The following KIF16B variants were observed in gnomAD, a reference collection of about 807,000 sequenced individuals.
KIF16B encodes the protein kinesin family member 16B, also known as kinesin-like protein KIF16B.
Under a neutral mutation model 156.3 loss-of-function variants are expected in KIF16B, and 98 were observed. The ratio of observed to expected loss-of-function variants is 0.63; its 90% CI spans 0.53 to 0.74. The LOEUF (loss-of-function observed/expected upper bound fraction) is 0.74. Ranked by LOEUF, KIF16B falls within the 30% of genes least tolerant of loss-of-function variation. KIF16B has a pLI of 0.00. For missense variants in KIF16B, 1,421 were observed against 1,606.5 expected, an observed-to-expected ratio of 0.88 and a Z score of 1.97; for synonymous variants, 564 against 583.7, an observed-to-expected ratio of 0.97 and a Z score of 0.49.
chr20:16,293,318 G>T (rs1037643689), intron 25 of KIF16B, among the ~76,000 whole-genome samples: 1 of 152,174 alleles, frequency 6.6e-6, no homozygotes, highest in Non-Finnish European at 1.5e-5. Context: ...GGAGGAGGAA[G>T]GGATAGGTCA....
rs147236718 is a variant in KIF16B at position 16,545,620 on chromosome 20, G to A, written c.48-17180C>T. On this transcript the variant is annotated intron_variant, in intron 1 of 25. Coordinates refer to ENST00000354981, the MANE Select transcript of KIF16B (RefSeq NM_024704.5). The stretch of plus-strand genomic sequence containing the variant: ...GCAGAGGTTGTAGTGAGCCGAGATC[G>A]CACCACTGCACTCCAGCCTGGGTGA... Among the ~76,000 whole-genome samples, 629 of 152,206 alleles carry A rather than the reference G, an allele frequency of 4.1e-3. 8 individuals are homozygous for A. The highest frequency in any genetic ancestry group is 0.014 in the African/African-American group (594 of 41,522).
intron 1 of KIF16B, among the ~76,000 whole-genome samples, chr20:16,565,834 T>C (rs185789295): frequency 2.7e-4 from 41 of 152,242 alleles, no homozygotes; most frequent in Non-Finnish European, 4.1e-4. Context: ...GGAAAGGTCA[T>C]TCTTCCACTT....
chr20:16,417,662 T>C (rs1434735953), intron 15 of KIF16B, among the ~76,000 whole-genome samples: 1 of 151,606 alleles, frequency 6.6e-6, no homozygotes, highest in Admixed American at 6.6e-5. Context: ...AGTGGAAAAA[T>C]AAAAATTTCA....
At chr20:16,327,699 G>T (rs59944081) in intron 24 of KIF16B, among the ~76,000 whole-genome samples, 6,099 of 152,156 alleles carry the variant, frequency 0.04, 391 homozygotes, top group African/African-American at 0.14. Flanking sequence ...TTAAATGCTA[G>T]TTATCTACCA....
chr20:16,517,903 T>C (rs1394762679), intron 3 of KIF16B, among the ~76,000 whole-genome samples: 2 of 152,226 alleles, frequency 1.3e-5, no homozygotes, highest in Non-Finnish European at 2.9e-5. Context: ...GGCCTGGGGC[T>C]AAACCAAAGT....
rs2062994331 is a variant in KIF16B, at chr20:16,272,131, A to C, written c.*1122T>G. 1 of 152,672 alleles carries C rather than the reference A, an allele frequency of 6.5e-6. No individual in the cohort carries two copies. Among genetic ancestry groups the C allele is most frequent in the Non-Finnish European group, 1.5e-5 (1 of 68,040 alleles). 9.5% of individuals were successfully genotyped at this position (152,672 alleles called of 1,614,324 possible). A position where few individuals can be genotyped will look rare whatever the true frequency, so the allele number is the denominator to read the frequency against. ...GATGCCATAACTTCATTTAATATTG[A>C]TAGCAGCTCAATTTAAATTTTGAAA... On this transcript the variant is annotated 3_prime_UTR_variant, in exon 26 of 26. Coordinates refer to ENST00000354981, the MANE Select transcript of KIF16B (RefSeq NM_024704.5).
rs538107543 is a variant in KIF16B, at chr20:16,380,939, T to C, written c.1838+755A>G. On this transcript the variant is annotated intron_variant, in intron 18 of 25. Coordinates refer to ENST00000354981, the MANE Select transcript of KIF16B (RefSeq NM_024704.5). ...TCCACCTCCTGACCCACCAAACGTC[T>C]ATCTTGGATGATGCTGGAAACTAAG... Among the ~76,000 whole-genome samples the C allele has an allele frequency of 3.3e-5, 5 of 152,326 alleles. No individual in the cohort carries two copies. The South Asian group carries it at 1.0e-3, about 32-fold the overall frequency.
At chr20:16,499,895 C>CTT (rs2068567890) in intron 10 of KIF16B, among the ~76,000 whole-genome samples, 1 of 152,154 alleles carries the variant, frequency 6.6e-6, no homozygotes, top group African/African-American at 2.4e-5. Context: ...CAAGGTGTAT[C>CTT]TTTAGAAGAA....
chr20:16,555,779 A>G (rs6075070), intron 1 of KIF16B, among the ~76,000 whole-genome samples: 51,732 of 152,046 alleles, frequency 0.34, 8,850 homozygotes, highest in African/African-American at 0.36. Flanking sequence ...CAACCACAAA[A>G]TTTTCTCATT....
rs11467171 is a variant in KIF16B, at chr20:16,445,419, C to CGTGTGTGTGTGTGTGTGT, written c.1303-15455_1303-15438dup. Among the ~76,000 whole-genome samples, 1,050 of 146,848 alleles carry CGTGTGTGTGTGTGTGTGT rather than the reference C, an allele frequency of 7.2e-3. 14 individuals carry two copies. The highest frequency in any genetic ancestry group is 0.026 in the African/African-American group (1,016 of 39,508). ...TCATTTGTATTCAGACATGTATATACGTGTGTGTGTGTGTGTGTGTGTGTG... is the reference window on the plus strand; with the variant it reads ...TCATTTGTATTCAGACATGTATATACGTGTGTGTGTGTGTGTGTGTGTGTGTGTGTGTGTGTGTGTGTG... On this transcript the variant is annotated intron_variant, in intron 12 of 25. Coordinates refer to ENST00000354981, the MANE Select transcript of KIF16B (RefSeq NM_024704.5).
chr20:16,474,520 C>T (rs6043988), intron 12 of KIF16B, among the ~76,000 whole-genome samples: 57,638 of 152,062 alleles, frequency 0.38, 12,534 homozygotes, highest in African/African-American at 0.6. Context: ...GAAGAAACAA[C>T]TTCCTAGCCT....
intron 10 of KIF16B, among the ~76,000 whole-genome samples, chr20:16,499,618 C>T (rs185207078): frequency 1.3e-5 from 2 of 152,292 alleles, no homozygotes; most frequent in East Asian, 3.9e-4. Context: ...ATGTGGTTGA[C>T]AATTTTCAAA....
At chr20:16,359,418 A>C (rs1163399775) in intron 22 of KIF16B, among the ~76,000 whole-genome samples, 2 of 152,162 alleles carry the variant, frequency 1.3e-5, no homozygotes, top group African/African-American at 4.8e-5. Flanking sequence ...CCATGATTGT[A>C]ATCTTCCTGA....
intron 17 of KIF16B, among the ~76,000 whole-genome samples, chr20:16,386,044 C>A (rs75537915): frequency 6.6e-6 from 1 of 152,118 alleles, no homozygotes; most frequent in Non-Finnish European, 1.5e-5. Flanking sequence ...GCAGGCAGCA[C>A]GAAACATTCA....
intron 12 of KIF16B, among the ~76,000 whole-genome samples, chr20:16,494,085 A>C (rs1016524515): frequency 6.6e-6 from 1 of 152,170 alleles, no homozygotes; most frequent in Admixed American, 6.5e-5. Context: ...ACATATTAAA[A>C]CACACAGCTA....
chr20:16,406,518 A>G, intron 15 of KIF16B, 62 bp from the exon 16 acceptor site: 1 of 1,274,658 alleles, frequency 7.8e-7, no homozygotes, highest in Admixed American at 1.7e-5. Context: ...TGCCAATACC[A>G]TAACATGGAA....
chr20:16,536,229 A>G (rs2069955368), intron 1 of KIF16B, among the ~76,000 whole-genome samples: 1 of 152,200 alleles, frequency 6.6e-6, no homozygotes, highest in Non-Finnish European at 1.5e-5. Flanking sequence ...TAGTAAAATA[A>G]GCCAGGCACA....
chr20:16,537,858 G>A (rs946729633), intron 1 of KIF16B, among the ~76,000 whole-genome samples: 1 of 151,564 alleles, frequency 6.6e-6, no homozygotes, highest in South Asian at 2.1e-4. Flanking sequence ...TGTGCACCAC[G>A]ATGCCTAGCT....
chr20:16,357,527 A>T (rs2064467545), intron 22 of KIF16B, among the ~76,000 whole-genome samples: 1 of 152,166 alleles, frequency 6.6e-6, no homozygotes, highest in Admixed American at 6.5e-5. Context: ...TGAACACTTC[A>T]CACATATGTA....
Sources: allele counts gnomAD v4.1 joint callset (sites outside exome capture counted in the v4.1 genomes callset), GRCh38; gene constraint gnomAD v4.1.1; transcripts MANE v1.5; gene names NCBI Gene and HGNC (gene_info 2026-07-23, HGNC 2026-07-21).